Variants in INSL6 observed in about 807,000 individuals in gnomAD.
INSL6 encodes the protein insulin like 6, also known as insulin-like peptide INSL6.
Under a neutral mutation model 9.4 loss-of-function variants are expected in INSL6, and 16 were observed. The ratio of observed to expected loss-of-function variants is 1.70; its 90% CI spans 1.15 to 2.59. INSL6 has a LOEUF of 2.59. Ranked by LOEUF, INSL6 falls within the 30% of genes most tolerant of loss-of-function variation. INSL6 has a pLI of 0.00. For synonymous variants in INSL6, 154 were observed against 96.9 expected (o/e 1.59, Z -3.46); for missense variants, 391 against 257.3 (o/e 1.52, Z -3.56).
the INSL6 span, among the ~76,000 whole-genome samples, chr9:5,054,265 T>G: frequency 6.6e-6 from 1 of 152,058 alleles, no homozygotes; most frequent in African/African-American, 2.4e-5. This position sits in a 1 kb window ranked among gnomAD's most constrained non-coding sequence, Gnocchi z 4.9. Flanking sequence ...GAAAAGGAAT[T>G]TTTAGAGATT....
chr9:5,141,756 C>A (rs767923571), intron 2 of INSL6, among the ~76,000 whole-genome samples: 5 of 152,110 alleles, frequency 3.3e-5, no homozygotes, highest in Admixed American at 6.6e-5. Context: ...GCTTTTGTTG[C>A]AATTGGTTTT....
At chr9:5,109,146 G>A in the INSL6 span, 1 of 151,940 alleles carries the variant, frequency 6.6e-6, no homozygotes, top group African/African-American at 2.4e-5. Flanking sequence ...CTCCCTACAT[G>A]TACCAATCAC....
intron 2 of INSL6, among the ~76,000 whole-genome samples, chr9:5,134,745 A>G (rs1289836910): frequency 6.6e-6 from 1 of 152,246 alleles, no homozygotes. Flanking sequence ...GCCAAATTGT[A>G]AAGACCATCG....
intron 1 of INSL6, among the ~76,000 whole-genome samples, chr9:5,184,129 G>C (rs1380822501): frequency 1.3e-5 from 2 of 152,222 alleles, no homozygotes; most frequent in Non-Finnish European, 2.9e-5. Context: ...TTCAGCAACA[G>C]TGACTTTATA....
chr9:5,080,419 T>A, the INSL6 span: 1 of 1,559,642 alleles, frequency 6.4e-7, no homozygotes, highest in Non-Finnish European at 8.7e-7. Flanking sequence ...ACTCTATCTC[T>A]GAACTTTCAT....
intron 3 of INSL6, among the ~76,000 whole-genome samples, chr9:5,132,508 G>A (rs765194176): frequency 6.6e-6 from 1 of 151,498 alleles, no homozygotes; most frequent in Non-Finnish European, 1.5e-5. Flanking sequence ...CAACAACTTA[G>A]CTGTTTAACA....
chr9:5,149,969 C>A (rs1824679419), intron 2 of INSL6, among the ~76,000 whole-genome samples: 1 of 152,168 alleles, frequency 6.6e-6, no homozygotes, highest in African/African-American at 2.4e-5. Context: ...TGATCTCTAA[C>A]AACGTTGACA....
chr9:4,997,484 G>C, the INSL6 span, among the ~76,000 whole-genome samples: 4 of 152,104 alleles, frequency 2.6e-5, no homozygotes, highest in Admixed American at 2.6e-4. Flanking sequence ...GCCAAATCTT[G>C]CAAGAACTCA....
the INSL6 span, among the ~76,000 whole-genome samples, chr9:5,087,230 A>C: frequency 6.6e-6 from 1 of 152,184 alleles, no homozygotes; most frequent in Admixed American, 6.6e-5. Flanking sequence ...GGCCTCAGGA[A>C]ACTTACAGTC....
chr9:5,093,173 G>A, the INSL6 span, among the ~76,000 whole-genome samples: 1 of 152,152 alleles, frequency 6.6e-6, no homozygotes, highest in Non-Finnish European at 1.5e-5. Flanking sequence ...TTAACAGCTA[G>A]ATATTTTACA....
chr9:5,135,583 A>G (rs1824374303), intron 2 of INSL6, among the ~76,000 whole-genome samples: 1 of 152,240 alleles, frequency 6.6e-6, no homozygotes, highest in Non-Finnish European at 1.5e-5. Context: ...ATAAGAACAA[A>G]GAAACAATGT....
the INSL6 span, among the ~76,000 whole-genome samples, chr9:5,002,808 T>G: frequency 6.6e-6 from 1 of 152,000 alleles, no homozygotes. Context: ...GCATATATAT[T>G]TAAGAAGAGT....
the INSL6 span, among the ~76,000 whole-genome samples, chr9:5,019,516 T>C: frequency 6.6e-6 from 1 of 152,184 alleles, no homozygotes; most frequent in Non-Finnish European, 1.5e-5. Context: ...TTTTAATTCT[T>C]TTTCTGGCAT....
intron 1 of INSL6, among the ~76,000 whole-genome samples, chr9:5,165,605 T>C (rs1825033746): frequency 6.6e-6 from 1 of 152,216 alleles, no homozygotes; most frequent in Admixed American, 6.5e-5. Context: ...ATTTTCAAAT[T>C]TGATAATTTG....
Position 5,185,416 on chromosome 9 carries a change from G to C in INSL6, c.187C>G (p.Arg63Gly), listed in dbSNP as rs780760292. The change falls in exon 1 of 2, where the codon CGG becomes GGG. Residue 63 changes from arginine to glycine, a missense_variant. Transcript: ENST00000381641. Reference protein sequence around the residue: ...FRFEEETPFSRLIAQASEKVE... With the variant: ...FRFEEETPFSGLIAQASEKVE... ...TTCTCCGAGGCCTGTGCAATCAACC[G>C]TGAGAAAGGGGTTTCCTCCTCGAAA... The C allele has an allele frequency of 4.3e-6, 7 of 1,614,180 alleles. No individual in the cohort carries two copies. Among genetic ancestry groups the C allele is most frequent in the Non-Finnish European group, 5.9e-6 (7 of 1,180,040 alleles).
At chr9:5,065,549 G>C in the INSL6 span, among the ~76,000 whole-genome samples, 1 of 152,154 alleles carries the variant, frequency 6.6e-6, no homozygotes, top group Non-Finnish European at 1.5e-5. Context: ...ACATGTGGCT[G>C]TTTAGCATTT....
At chr9:5,125,193 T>A (rs1455806860) in intron 3 of INSL6, among the ~76,000 whole-genome samples, 2 of 151,244 alleles carry the variant, frequency 1.3e-5, no homozygotes, top group East Asian at 3.8e-4. Context: ...CTTCATTTTG[T>A]GTATAAAAGT....
At chr9:5,094,271 T>C in the INSL6 span, 1 of 152,236 alleles carries the variant, frequency 6.6e-6, no homozygotes, top group Non-Finnish European at 1.5e-5. Flanking sequence ...CCTCAACGTC[T>C]ACTGTTACCC....
the INSL6 span, among the ~76,000 whole-genome samples, chr9:5,077,228 T>G: frequency 1.3e-5 from 2 of 150,006 alleles, no homozygotes; most frequent in African/African-American, 4.9e-5. Context: ...TTATGTTATA[T>G]ATAATAATAT....
Sources: allele counts gnomAD v4.1 joint callset (sites outside exome capture counted in the v4.1 genomes callset), GRCh38; gene constraint gnomAD v4.1.1; non-coding constraint Gnocchi (gnomAD v3.1); transcripts MANE v1.5; gene names NCBI Gene and HGNC (gene_info 2026-07-23, HGNC 2026-07-21).